CPQ: variants seen among roughly 807,000 people sequenced by gnomAD.
CPQ encodes the protein carboxypeptidase Q, also known as Ser-Met dipeptidase.
Under a neutral mutation model 45.7 loss-of-function variants are expected in CPQ, and 37 were observed. That is an observed-to-expected ratio of 0.81 (90% CI 0.62 to 1.07). The LOEUF (loss-of-function observed/expected upper bound fraction) is 1.07. Among genes scored for constraint, CPQ ranks in the 50% least tolerant of loss-of-function variants. The pLI, the probability that CPQ is intolerant of heterozygous loss-of-function variation, is 0.00. For synonymous variants in CPQ, 186 were observed against 205.8 expected, an observed-to-expected ratio of 0.90 and a Z score of 0.82; for missense variants, 537 against 572.9, an observed-to-expected ratio of 0.94 and a Z score of 0.64.
chr8:97,095,511 T>C (rs1010086555), intron 7 of CPQ, among the ~76,000 whole-genome samples: 1 of 152,162 alleles, frequency 6.6e-6, no homozygotes, highest in Non-Finnish European at 1.5e-5. Context: ...CTTCCCAAAA[T>C]GTGGCTTCCC....
At chr8:97,052,210 A>G (rs541206779) in intron 6 of CPQ, among the ~76,000 whole-genome samples, 3 of 151,836 alleles carry the variant, frequency 2.0e-5, no homozygotes, top group Admixed American at 2.0e-4. Flanking sequence ...GTTTTTCTTC[A>G]CCTCCCTTAG....
intron 5 of CPQ, among the ~76,000 whole-genome samples, chr8:97,000,964 T>C (rs1050464697): frequency 4.6e-5 from 7 of 152,016 alleles, no homozygotes; most frequent in Admixed American, 2.6e-4. Context: ...GTTCCCTAGT[T>C]AGCTGTATTC....
intron 6 of CPQ, among the ~76,000 whole-genome samples, chr8:97,056,718 TGGACATTA>T (rs1359259537): frequency 6.6e-6 from 1 of 152,190 alleles, no homozygotes; most frequent in Non-Finnish European, 1.5e-5. Context: ...AGCTACATTC[TGGACATTA>T]GTTGGATGCT....
intron 1 of CPQ, among the ~76,000 whole-genome samples, chr8:96,762,869 T>C (rs930384356): frequency 5.3e-5 from 8 of 152,190 alleles, no homozygotes; most frequent in Admixed American, 2.6e-4. Flanking sequence ...TTTTAGTCCA[T>C]TTTTGTTTAT....
intron 7 of CPQ, among the ~76,000 whole-genome samples, chr8:97,081,189 G>T (rs1810944214): frequency 6.6e-6 from 1 of 152,064 alleles, no homozygotes; most frequent in Non-Finnish European, 1.5e-5. Flanking sequence ...CACAGATATT[G>T]TTTAATACCT....
At chr8:97,112,175 C>G (rs1359073970) in intron 7 of CPQ, among the ~76,000 whole-genome samples, 1 of 121,484 alleles carries the variant, frequency 8.2e-6, no homozygotes, top group African/African-American at 3.2e-5. Context: ...TTTTTTTTTG[C>G]TAAGACACTG....
chr8:96,669,513 A>G (rs1248628095), intron 1 of CPQ, among the ~76,000 whole-genome samples: 3 of 152,224 alleles, frequency 2.0e-5, no homozygotes, highest in African/African-American at 7.2e-5. Context: ...GAGTCTCATA[A>G]CATAATATAA....
chr8:96,943,982 TC>T (rs1484005813), intron 4 of CPQ, among the ~76,000 whole-genome samples: 1 of 152,174 alleles, frequency 6.6e-6, no homozygotes, highest in Non-Finnish European at 1.5e-5. Context: ...CCCACATTGA[TC>T]ATAATATGTC....
chr8:96,857,193 A>G (rs1308657302), intron 3 of CPQ, among the ~76,000 whole-genome samples: 1 of 152,238 alleles, frequency 6.6e-6, no homozygotes, highest in Non-Finnish European at 1.5e-5. Context: ...ATTTAGCAGC[A>G]GATAGTGCCT....
intron 4 of CPQ, among the ~76,000 whole-genome samples, chr8:96,952,900 T>C (rs1409348978): frequency 1.3e-5 from 2 of 152,100 alleles, no homozygotes; most frequent in African/African-American, 4.8e-5. Flanking sequence ...TAAAAGCTGG[T>C]ATTGATAGGG....
chr8:97,069,725 C>T lies in CPQ; in HGVS notation c.1255+3515C>T, dbSNP rs576381968. On this transcript the variant is annotated intron_variant, in intron 7 of 7. Coordinates refer to ENST00000220763, the MANE Select transcript of CPQ (RefSeq NM_016134.4). Reference sequence around the variant, plus strand: ...GCTAAATAATATTTCTAAACTCCATCCTTTTTTCTTTCTTTTTTTCTTTCA... The same window carrying T: ...GCTAAATAATATTTCTAAACTCCATTCTTTTTTCTTTCTTTTTTTCTTTCA... Among the ~76,000 whole-genome samples the T allele has an allele frequency of 2.0e-5, 3 of 152,224 alleles. No individual in the cohort carries two copies. In the East Asian group the frequency reaches 5.8e-4, roughly 29 times the overall value.
chr8:97,103,633 G>C (rs1206338176), intron 7 of CPQ, among the ~76,000 whole-genome samples: 1 of 152,158 alleles, frequency 6.6e-6, no homozygotes, highest in African/African-American at 2.4e-5. Context: ...TTCCTCAAAA[G>C]CATTCCCTGA....
chr8:96,899,272 A>G (rs2130895576), intron 4 of CPQ, among the ~76,000 whole-genome samples: 1 of 152,314 alleles, frequency 6.6e-6, no homozygotes. Context: ...GTACAGCCAC[A>G]TACATTGTTA....
At chr8:96,857,357 A>G (rs2130864672) in intron 3 of CPQ, among the ~76,000 whole-genome samples, 1 of 152,300 alleles carries the variant, frequency 6.6e-6, no homozygotes, top group African/African-American at 2.4e-5. Context: ...TCCTCTACTT[A>G]AGGAACACAG....
intron 7 of CPQ, among the ~76,000 whole-genome samples, chr8:97,125,410 T>C (rs1811830920): frequency 6.6e-6 from 1 of 152,136 alleles, no homozygotes; most frequent in African/African-American, 2.4e-5. Context: ...ATGACACTGA[T>C]ATCAAAACCA....
intron 1 of CPQ, among the ~76,000 whole-genome samples, chr8:96,731,869 G>T (rs180993006): frequency 0.019 from 2,912 of 152,060 alleles, 100 homozygotes; most frequent in African/African-American, 0.067. Context: ...GTTCCAATAT[G>T]GTTAAACAAA....
chr8:97,034,188 T>C (rs958404523), intron 6 of CPQ, among the ~76,000 whole-genome samples: 10 of 152,286 alleles, frequency 6.6e-5, no homozygotes, highest in African/African-American at 2.2e-4. Context: ...AAACAAACTT[T>C]GGCAAAAATG....
chr8:96,921,146 G>T (rs1264052868), intron 4 of CPQ, among the ~76,000 whole-genome samples: 1 of 152,142 alleles, frequency 6.6e-6, no homozygotes, highest in Non-Finnish European at 1.5e-5. Flanking sequence ...CTGCTCAGGG[G>T]GCAGGTGGAA....
intron 3 of CPQ, among the ~76,000 whole-genome samples, chr8:96,877,319 C>G (rs1812159370): frequency 6.6e-6 from 1 of 152,186 alleles, no homozygotes; most frequent in Non-Finnish European, 1.5e-5. Flanking sequence ...GTCTCCTCAG[C>G]TGAGCCATGG....
Sources: allele counts gnomAD v4.1 joint callset (sites outside exome capture counted in the v4.1 genomes callset), GRCh38; gene constraint gnomAD v4.1.1; transcripts MANE v1.5; gene names NCBI Gene and HGNC (gene_info 2026-07-23, HGNC 2026-07-21).